The following USP35 variants were observed in gnomAD, a reference collection of about 807,000 sequenced individuals.
The protein encoded by USP35 is ubiquitin specific peptidase 35, also known as ubiquitin carboxyl-terminal hydrolase 35.
A neutral mutation model predicts 83.8 loss-of-function variants in USP35; 69 were observed. The observed-to-expected ratio is 0.82, with a 90% CI of 0.68 to 1.01. The LOEUF is 1.01. USP35 is among the 50% of genes least tolerant of loss of function. USP35 has a pLI of 0.00. For synonymous variants in USP35, 714 were observed against 589.5 expected (o/e 1.21, Z -3.06); for missense variants, 1,503 against 1,362.5 (o/e 1.10, Z -1.62).
chr11:78,208,416 C>G (rs1442772022), intron 8 of USP35, among the ~76,000 whole-genome samples: 1 of 152,134 alleles, frequency 6.6e-6, no homozygotes, highest in Admixed American at 6.5e-5. Flanking sequence ...AAGCCCTTGG[C>G]CAGGGATTAT....
chr11:78,196,352 A>G lies in USP35; in HGVS notation c.107A>G (p.Glu36Gly). The part of the protein sequence containing the change: ...LEAARQPLER[E>G]QCLALLALGA... The stretch of plus-strand genomic sequence containing the variant: ...GCGGCGCGGCAGCCGCTGGAGCGTG[A>G]GCAGTGCCTGGCGCTGCTGGCGCTG... The change falls in exon 2 of 11, where the codon GAG becomes GGG. Residue 36 changes from glutamate (E) to glycine (G), a missense_variant. By Grantham distance (98) the Glu-to-Gly change is moderately conservative (BLOSUM62 -2). Transcript: ENST00000529308. The surrounding 1 kb of genome is among the most constrained non-coding windows in gnomAD (Gnocchi z 4.8). The G allele has an allele frequency of 6.4e-7, 1 of 1,574,532 alleles. No individual in the cohort carries two copies. The highest frequency in any genetic ancestry group is 8.6e-7 in the Non-Finnish European group (1 of 1,169,070).
At chr11:78,202,405 T>G (rs762059377) in intron 6 of USP35, among the ~76,000 whole-genome samples, 5 of 152,222 alleles carry the variant, frequency 3.3e-5, no homozygotes, top group Non-Finnish European at 7.3e-5. Flanking sequence ...TGCTCTCATG[T>G]GGATTTAGGG....
In USP35 at chr11:78,214,476, TC is replaced by T. The variant is rs928351333; in HGVS notation, c.*668del. ...AGGGCCTGAGAAGCCACCACTTGTATCCCCCTTGTGGTTAGAGTCCTGATTT... is the reference window on the plus strand; with the variant it reads ...AGGGCCTGAGAAGCCACCACTTGTATCCCCTTGTGGTTAGAGTCCTGATTT... On this transcript the variant is annotated 3_prime_UTR_variant, in exon 11 of 11. Transcript: ENST00000529308. 1.4e-5 allele frequency: 2 copies of T among 146,134 alleles called. No homozygotes were observed. Among genetic ancestry groups the T allele is most frequent in the African/African-American group, 5.1e-5 (2 of 39,152 alleles). The allele number at this position is 146,134 out of a possible 1,614,324, so 9.1% of individuals were successfully genotyped here.
chr11:78,209,094 AG>A (rs1863633755), intron 9 of USP35, 131 bp downstream of exon 9: 1 of 953,816 alleles, frequency 1.0e-6, no homozygotes. Flanking sequence ...GGCGTGGAGA[AG>A]GGGTGTGCTG....
the USP35 span, chr11:78,222,180 A>G: frequency 6.2e-6 from 10 of 1,613,428 alleles, no homozygotes; most frequent in Admixed American, 1.7e-4. Flanking sequence ...CCTCAGGTCA[A>G]GTGGTGTTGG....
At chr11:78,232,518 C>G in the USP35 span, among the ~76,000 whole-genome samples, 1 of 152,224 alleles carries the variant, frequency 6.6e-6, no homozygotes, top group Non-Finnish European at 1.5e-5. Flanking sequence ...GTTCAAAACT[C>G]TTTCCGTTGG....
chr11:78,208,775 G>C (rs1000474170), intron 8 of USP35, 82 bp from the exon 9 acceptor site: 1 of 1,454,638 alleles, frequency 6.9e-7, no homozygotes, highest in African/African-American at 1.4e-5. Context: ...GAATGAGGTA[G>C]ACCCTCAGGC....
At chr11:78,223,397 A>G in the USP35 span, 1 of 1,505,104 alleles carries the variant, frequency 6.6e-7, no homozygotes. Context: ...GGGACAGGGG[A>G]AAGAATGGAC....
intron 6 of USP35, among the ~76,000 whole-genome samples, chr11:78,202,387 C>T (rs1285218736): frequency 6.6e-6 from 1 of 152,184 alleles, no homozygotes; most frequent in Admixed American, 6.5e-5. Flanking sequence ...AAAATGTAAT[C>T]AGTGGCCTGC....
rs2137029035 is a variant in USP35 at position 78,196,932 on chromosome 11, C to T, written c.673+14C>T. Reference sequence around the variant, plus strand: ...TCTCCTGCGCAGGTGCGTGTGCGGCCGGGGCAGGAGCGCGGGCATGCGGAG... The same window carrying T: ...TCTCCTGCGCAGGTGCGTGTGCGGCTGGGGCAGGAGCGCGGGCATGCGGAG... On this transcript the variant is annotated intron_variant, in intron 2 of 10. Transcript: ENST00000529308. This position sits in a 1 kb window ranked among gnomAD's most constrained non-coding sequence, Gnocchi z 4.8. 4 of 1,440,688 alleles carry T rather than the reference C, an allele frequency of 2.8e-6. No homozygotes were observed. Among genetic ancestry groups the T allele is most frequent in the African/African-American group, 1.5e-5 (1 of 67,964 alleles). 89.2% of individuals were successfully genotyped at this position (1,440,688 alleles called of 1,614,324 possible). A position where few individuals can be genotyped will look rare whatever the true frequency, so the allele number is the denominator to read the frequency against.
chr11:78,198,129 A>T, intron 3 of USP35, 61 bp downstream of exon 3: 10 of 1,606,268 alleles, frequency 6.2e-6, no homozygotes, highest in Non-Finnish European at 7.7e-6. Context: ...TCCTCTCAGA[A>T]GCCCCTTCTC....
intron 10 of USP35, among the ~76,000 whole-genome samples, chr11:78,211,079 C>T (rs1327782533): frequency 6.6e-6 from 1 of 152,166 alleles, no homozygotes; most frequent in Non-Finnish European, 1.5e-5. Context: ...GCTATTCTTC[C>T]TGAAGCTCGC....
chr11:78,200,485 G>C (rs764284662), intron 5 of USP35, among the ~76,000 whole-genome samples, 165 bp from the exon 6 acceptor site: 5 of 152,242 alleles, frequency 3.3e-5, no homozygotes, highest in Non-Finnish European at 5.9e-5. Context: ...GGGAAAAGGA[G>C]TCACCTGCCT....
chr11:78,200,064 C>A, intron 4 of USP35, 69 bp from the exon 5 acceptor site: 1 of 1,547,454 alleles, frequency 6.5e-7, no homozygotes, highest in Non-Finnish European at 8.9e-7. Flanking sequence ...AGTCCCCTCT[C>A]AGGCTTGTGA....
the USP35 span, chr11:78,227,195 C>A: frequency 1.6e-6 from 1 of 635,418 alleles, no homozygotes; most frequent in South Asian, 1.9e-5. Context: ...GTTGTTCAGA[C>A]TCTAGTATAT....
the USP35 span, among the ~76,000 whole-genome samples, chr11:78,231,377 C>T: frequency 9.2e-6 from 1 of 109,022 alleles, no homozygotes; most frequent in East Asian, 3.0e-4. Context: ...GTGTCGGAGT[C>T]TCATTCTGTC....
chr11:78,231,595 G>A, the USP35 span, among the ~76,000 whole-genome samples: 4 of 152,116 alleles, frequency 2.6e-5, no homozygotes, highest in Non-Finnish European at 5.9e-5. Flanking sequence ...TGGTCTGCCC[G>A]CCTCAGCCTC....
chr11:78,208,059 A>G (rs1863589441), intron 8 of USP35, among the ~76,000 whole-genome samples: 1 of 152,194 alleles, frequency 6.6e-6, no homozygotes, highest in African/African-American at 2.4e-5. Context: ...GTGTGAGAGC[A>G]TGCATGAGAG....
In USP35 at chr11:78,199,632, A is replaced by G. The variant is rs989432076; in HGVS notation, c.844A>G (p.Ile282Val). The stretch of plus-strand genomic sequence containing the variant: ...GGTGTCCTGGCCCCTGGGGAAGAAT[A>G]TTGACAAGTGGATCATTGCACTGCT... ...DWVSWPLGKN[I>V]DKWIIALLKG... Residue 282 changes from isoleucine (I) to valine (V), a missense_variant, in exon 4 of 11, where the codon ATT becomes GTT. Coordinates refer to ENST00000529308, the MANE Select transcript of USP35 (RefSeq NM_020798.4). 2 of 1,613,942 alleles carry G rather than the reference A, an allele frequency of 1.2e-6. No individual in the cohort carries two copies. Among genetic ancestry groups the G allele is most frequent in the African/African-American group, 2.7e-5 (2 of 74,868 alleles).
Sources: allele counts gnomAD v4.1 joint callset (sites outside exome capture counted in the v4.1 genomes callset), GRCh38; gene constraint gnomAD v4.1.1; non-coding constraint Gnocchi (gnomAD v3.1); transcripts MANE v1.5; gene names NCBI Gene and HGNC (gene_info 2026-07-23, HGNC 2026-07-21).